POLR2F: variants seen among roughly 807,000 people sequenced by gnomAD.
POLR2F encodes DNA-directed RNA polymerases I, II, and III subunit RPABC2.
In POLR2F, 12 loss-of-function variants were observed where a neutral mutation model predicts 22.7. That is an observed-to-expected ratio of 0.53 (90% CI 0.34 to 0.86). POLR2F has a LOEUF of 0.86. Among genes scored for constraint, POLR2F ranks in the 40% least tolerant of loss-of-function variants. The probability of loss-of-function intolerance (pLI) is 0.02; values close to 1 mark genes in which losing one functional copy is unlikely to be tolerated. For synonymous variants in POLR2F, 57 were observed against 66.0 expected, an observed-to-expected ratio of 0.86 and a Z score of 0.66; for missense variants, 126 against 171.5, an observed-to-expected ratio of 0.73 and a Z score of 1.48.
intron 3 of POLR2F, among the ~76,000 whole-genome samples, chr22:37,960,311 C>T (rs1372978732): frequency 6.6e-6 from 1 of 151,942 alleles, no homozygotes; most frequent in Non-Finnish European, 1.5e-5. Flanking sequence ...ACAACCCCTG[C>T]CTCCCGGGTT....
At chr22:38,027,732 C>T (rs564898244), downstream of POLR2F, among the ~76,000 whole-genome samples, 64 of 152,308 alleles carry the variant, frequency 4.2e-4, no homozygotes, top group Non-Finnish European at 8.2e-4. Context: ...GCAGCCGGCT[C>T]CCTGTCTGCT....
rs964193784 is a variant in POLR2F at position 37,980,747 on chromosome 22, TG to T, written c.293+13582del. 4.6e-5 allele frequency among the ~76,000 whole-genome samples: 7 copies of T among 152,174 alleles called. No homozygotes were observed. The highest frequency in any genetic ancestry group is 1.7e-4 in the African/African-American group (7 of 41,440). On this transcript the variant is annotated intron_variant, in intron 4 of 4. Transcript: ENST00000405557. The surrounding 1 kb of genome is among the most constrained non-coding windows in gnomAD (Gnocchi z 4.1). ...TCTCCCTGGTCTCCCAGGTTTGGAATGGGGGCAAGAAGAGGTAGGCTGATTC... is the reference window on the plus strand; with the variant it reads ...TCTCCCTGGTCTCCCAGGTTTGGAATGGGGCAAGAAGAGGTAGGCTGATTC...
Position 38,017,789 on chromosome 22 carries a change from G to T in POLR2F, c.121-8080G>T, listed in dbSNP as rs1330254359. Among the ~76,000 whole-genome samples, 1 of 152,176 alleles carries T rather than the reference G, an allele frequency of 6.6e-6. No individual in the cohort carries two copies. Among genetic ancestry groups the T allele is most frequent in the East Asian group, 1.9e-4 (1 of 5,190 alleles). ...ACATGGCTTGCTCTGTCCTTGCCCA[G>T]CCCAGGCGTTTGGGAAGTTCTTTCT... is the stretch of plus-strand genomic sequence containing the variant. On this transcript the variant is annotated intron_variant, in intron 1 of 2. Transcript: ENST00000333418. This position sits in a 1 kb window ranked among gnomAD's most constrained non-coding sequence, Gnocchi z 4.1.
At chr22:37,963,103 G>C (rs1291350154) in intron 3 of POLR2F, among the ~76,000 whole-genome samples, 1 of 149,866 alleles carries the variant, frequency 6.7e-6, no homozygotes, top group East Asian at 2.0e-4. Context: ...TCTCCAACCT[G>C]AGCTTCCCGG....
At chr22:38,037,694 G>A (rs373933347) in intron 5 of POLR2F, among the ~76,000 whole-genome samples, 58 of 151,722 alleles carry the variant, frequency 3.8e-4, no homozygotes, top group Non-Finnish European at 5.4e-4. Flanking sequence ...CCGGGTTCAC[G>A]CGATTCTCCA....
At chr22:38,032,898 C>T (rs1017622784) in intron 5 of POLR2F, 9 of 165,870 alleles carry the variant, frequency 5.4e-5, no homozygotes, top group Non-Finnish European at 8.8e-5. Flanking sequence ...AGAAGGGCTC[C>T]GTGGGCCACT....
In POLR2F at chr22:37,980,738, G is replaced by C. The variant is rs1018761177; in HGVS notation, c.293+13568G>C. 3.9e-5 allele frequency among the ~76,000 whole-genome samples: 6 copies of C among 152,224 alleles called. No homozygotes were observed. The highest frequency in any genetic ancestry group is 1.4e-4 in the African/African-American group (6 of 41,452). ...AGCCCTCTTTCTCCCTGGTCTCCCA[G>C]GTTTGGAATGGGGGCAAGAAGAGGT... On this transcript the variant is annotated intron_variant, in intron 4 of 4. Coordinates refer to the POLR2F transcript ENST00000405557. This position sits in a 1 kb window ranked among gnomAD's most constrained non-coding sequence, Gnocchi z 4.1.
Position 38,017,336 on chromosome 22 carries a change from T to C in POLR2F, c.121-8533T>C, listed in dbSNP as rs960237642. On this transcript the variant is annotated intron_variant, in intron 1 of 2. Transcript: ENST00000333418. The surrounding 1 kb of genome is among the most constrained non-coding windows in gnomAD (Gnocchi z 4.1). ...AGAAAACCCTGAACTGCCCCCAGAG[T>C]GATCATGCTCAATGTCAGCTTGGCT... 6.6e-6 allele frequency among the ~76,000 whole-genome samples: 1 copy of C among 151,808 alleles called. No individual in the cohort carries two copies. The highest frequency in any genetic ancestry group is 1.5e-5 in the Non-Finnish European group (1 of 67,944).
At chr22:37,973,943 T>C (rs1452885523), downstream of POLR2F, 4 of 1,610,734 alleles carry the variant, frequency 2.5e-6, no homozygotes, top group Non-Finnish European at 3.4e-6. Flanking sequence ...GCCCAGCCCA[T>C]AGCCGGCTGC....
At position 38,005,600 on chromosome 22, in the gene POLR2F, C is replaced by T. The variant is rs183420236; in HGVS notation, c.120+19288C>T. On this transcript the variant is annotated intron_variant, in intron 1 of 2. Transcript: ENST00000333418. ...GAGAGCTCCCACCAGCAAAACATTA[C>T]GATGGAAGGCAGTTGGTGATAGATC... Among the ~76,000 whole-genome samples the T allele has an allele frequency of 1.1e-4, 17 of 152,264 alleles. No homozygotes were observed. The East Asian group carries it at 2.1e-3, about 19-fold the overall frequency.
rs191489155 is a variant in POLR2F, at chr22:38,023,780, C to A, written c.121-2089C>A. 1.6e-4 allele frequency among the ~76,000 whole-genome samples: 24 copies of A among 152,142 alleles called. 1 individual carries two copies. The highest frequency in any genetic ancestry group is 8.5e-4 in the Admixed American group (13 of 15,286). The stretch of plus-strand genomic sequence containing the variant: ...CTCTGCCTCCCGGGTTCAAGTGATT[C>A]CCCTGCCTCAGCCTCCCGAGAAGCT... On this transcript the variant is annotated intron_variant, in intron 1 of 2. Transcript: ENST00000333418.
chr22:37,967,263 G>A (rs1931892941), intron 4 of POLR2F, 93 bp downstream of exon 4: 2 of 1,586,088 alleles, frequency 1.3e-6, no homozygotes, highest in Non-Finnish European at 1.7e-6. Flanking sequence ...TTGCCTGGCT[G>A]GAGAAGTTGA....
At position 37,974,610 on chromosome 22, in the gene POLR2F, C is replaced by T. The variant is rs2145762793; in HGVS notation, c.293+7440C>T. 6.6e-6 allele frequency among the ~76,000 whole-genome samples: 1 copy of T among 152,262 alleles called. No homozygotes were observed. Among genetic ancestry groups the T allele is most frequent in the South Asian group, 2.1e-4 (1 of 4,818 alleles). On this transcript the variant is annotated intron_variant, in intron 4 of 4. Transcript: ENST00000405557. The surrounding 1 kb of genome is among the most constrained non-coding windows in gnomAD (Gnocchi z 5.4). ...TCAGGTGATCCACCTGCCTCGGCCT[C>T]CCAAAGTGCTGGGATTACCATCATG...
intron 1 of POLR2F, among the ~76,000 whole-genome samples, chr22:38,003,610 A>G (rs1480573289): frequency 6.9e-6 from 1 of 143,888 alleles, no homozygotes; most frequent in Non-Finnish European, 1.5e-5. Context: ...ACGGAGTCTC[A>G]CTCTTGTCAC....
intron 1 of POLR2F, among the ~76,000 whole-genome samples, chr22:37,996,334 C>A (rs1016255288): frequency 6.6e-6 from 1 of 152,234 alleles, no homozygotes; most frequent in South Asian, 2.1e-4. Context: ...GCACCCGGGT[C>A]TTCCCCTCCT....
At chr22:37,967,387 G>A (rs1279417429) in intron 4 of POLR2F, 10 of 1,436,680 alleles carry the variant, frequency 7.0e-6, no homozygotes, top group Non-Finnish European at 9.1e-6. Flanking sequence ...TCTGGCTGTT[G>A]GAATTTCCCT....
At chr22:38,025,533 C>T in intron 1 of POLR2F, 1 of 1,435,016 alleles carries the variant, frequency 7.0e-7, no homozygotes, top group South Asian at 1.7e-5. Flanking sequence ...TGATCGTCCC[C>T]CTCGTTTGCC....
chr22:38,002,946 C>T (rs1167660879), intron 1 of POLR2F, among the ~76,000 whole-genome samples: 4 of 151,976 alleles, frequency 2.6e-5, no homozygotes, highest in African/African-American at 7.2e-5. Context: ...AGAATGGTCT[C>T]GATCTCCTGA....
At chr22:37,976,320 T>C (rs1246871898) in intron 4 of POLR2F, among the ~76,000 whole-genome samples, 1 of 152,216 alleles carries the variant, frequency 6.6e-6, no homozygotes, top group Non-Finnish European at 1.5e-5. Context: ...CTCAGCCTCC[T>C]GTGTAGCTGG....
Sources: gnomAD v4.1 joint callset for allele counts (sites outside exome capture counted in the v4.1 genomes callset) on GRCh38, gnomAD v4.1.1 for gene constraint, Gnocchi (gnomAD v3.1) non-coding constraint, MANE v1.5 for transcripts, NCBI Gene and HGNC (gene_info 2026-07-23, HGNC 2026-07-21) for gene names.